The following OR5B2 variants were observed in gnomAD, a reference collection of about 807,000 sequenced individuals.
OR5B2 encodes olfactory receptor 5B2.
For synonymous variants in OR5B2, 163 were observed against 140.8 expected, an observed-to-expected ratio of 1.16 and a Z score of -1.11; for missense variants, 411 against 367.0, an observed-to-expected ratio of 1.12 and a Z score of -0.98.
At position 58,422,023 on chromosome 11, in the gene OR5B2, C is replaced by A; in HGVS notation, c.*309G>T. ...TGGGCTTGTTGGTGTCCCTGTTTAA[C>A]AAGTATGTTTGCACTGGAATGTGGT... On this transcript the variant is annotated 3_prime_UTR_variant, in exon 3 of 3. Transcript: ENST00000641342. 1 of 203,664 alleles carries A rather than the reference C, an allele frequency of 4.9e-6. No homozygotes were observed. Among genetic ancestry groups the A allele is most frequent in the Non-Finnish European group, 9.9e-6 (1 of 100,994 alleles). 12.6% of individuals were successfully genotyped at this position (203,664 alleles called of 1,614,324 possible). A position where few individuals can be genotyped will look rare whatever the true frequency, so the allele number is the denominator to read the frequency against.
Position 58,421,983 on chromosome 11 carries a change from A to ACATG in OR5B2, c.*345_*348dup, listed in dbSNP as rs1301183691. On this transcript the variant is annotated 3_prime_UTR_variant, in exon 3 of 3. Coordinates refer to ENST00000641342, the MANE Select transcript of OR5B2 (RefSeq NM_001005566.3). ...GCCTATGTGCCCACAAGAGGCATAAACATGTACTTTTTTGTGGGCTTGTTG... is the reference window on the plus strand; with the variant it reads ...GCCTATGTGCCCACAAGAGGCATAAACATGCATGTACTTTTTTGTGGGCTTGTTG... 5.6e-6 allele frequency: 1 copy of ACATG among 180,004 alleles called. No individual in the cohort carries two copies. The allele number at this position is 180,004 out of a possible 1,614,324, so 11.2% of individuals were successfully genotyped here. A position where few individuals can be genotyped will look rare whatever the true frequency, so the allele number is the denominator to read the frequency against.
At chr11:58,427,697 A>G (rs1040576752) in intron 1 of OR5B2, among the ~76,000 whole-genome samples, 2 of 152,160 alleles carry the variant, frequency 1.3e-5, no homozygotes, top group African/African-American at 4.8e-5. Flanking sequence ...CAGCAGCCCA[A>G]ATGGAAAACT....
chr11:58,424,831 G>A lies in OR5B2; in HGVS notation c.-28-1542C>T, dbSNP rs548194937. 2.0e-5 allele frequency among the ~76,000 whole-genome samples: 3 copies of A among 152,164 alleles called. No homozygotes were observed. In the East Asian group the frequency reaches 5.8e-4, roughly 29 times the overall value. On this transcript the variant is annotated intron_variant, in intron 2 of 2. Coordinates refer to ENST00000641342, the MANE Select transcript of OR5B2 (RefSeq NM_001005566.3). ...CATAATCACTTTTAGAATATACTAT[G>A]TTCTACAACAGATGTTAAGAACTTT...
In OR5B2 at chr11:58,422,414, A is replaced by C; in HGVS notation, c.848T>G (p.Leu283Arg). Reference protein sequence around the residue: ...SVFYAMIIPMLNPVVYSLRNR... With the variant: ...SVFYAMIIPMRNPVVYSLRNR... ...CCTCAGGCTGTAGACCACAGGGTTC[A>C]GCATGGGGATGATCATAGCATAGAA... The change falls in exon 3 of 3, where the codon CTG (leucine) becomes CGG (arginine). Residue 283 changes from leucine (L) to arginine (R), a missense_variant. By Grantham distance (102) the Leu-to-Arg change is moderately radical (BLOSUM62 -2). Coordinates refer to ENST00000641342, the MANE Select transcript of OR5B2 (RefSeq NM_001005566.3). 1 of 1,613,696 alleles carries C rather than the reference A, an allele frequency of 6.2e-7. No homozygotes were observed. The highest frequency in any genetic ancestry group is 8.5e-7 in the Non-Finnish European group (1 of 1,179,770).
Position 58,421,797 on chromosome 11 carries a change from A to G in OR5B2, c.*535T>C, listed in dbSNP as rs1213378377. Reference sequence around the variant, plus strand: ...TATGTGGGGGCAGAAGGTATATGGGAAATCTCTGTACTTACCTCTCCATTT... The same window carrying G: ...TATGTGGGGGCAGAAGGTATATGGGGAATCTCTGTACTTACCTCTCCATTT... On this transcript the variant is annotated 3_prime_UTR_variant, in exon 3 of 3. Transcript: ENST00000641342. The G allele has an allele frequency of 2.0e-5, 3 of 152,282 alleles. No homozygotes were observed. Among genetic ancestry groups the G allele is most frequent in the Non-Finnish European group, 4.4e-5 (3 of 68,148 alleles). 9.4% of individuals were successfully genotyped at this position (152,282 alleles called of 1,614,324 possible). A position where few individuals can be genotyped will look rare whatever the true frequency, so the allele number is the denominator to read the frequency against.
chr11:58,427,316 G>A (rs1855349703), intron 1 of OR5B2, among the ~76,000 whole-genome samples: 1 of 152,086 alleles, frequency 6.6e-6, no homozygotes, highest in South Asian at 2.1e-4. Context: ...TTGGTAATGT[G>A]AACATCTTCA....
In OR5B2 at chr11:58,422,214, A is replaced by G; in HGVS notation, c.*118T>C. 1.7e-6 allele frequency: 1 copy of G among 603,016 alleles called. No individual in the cohort carries two copies. Among genetic ancestry groups the G allele is most frequent in the Non-Finnish European group, 2.9e-6 (1 of 339,946 alleles). 37.4% of individuals were successfully genotyped at this position (603,016 alleles called of 1,614,324 possible). ...AAAATTGACTTCTAAAGAGGTAAGAATATCACCTCATGAACTTAAATGTAT... is the reference window on the plus strand; with the variant it reads ...AAAATTGACTTCTAAAGAGGTAAGAGTATCACCTCATGAACTTAAATGTAT... On this transcript the variant is annotated 3_prime_UTR_variant, in exon 3 of 3. Coordinates refer to ENST00000641342, the MANE Select transcript of OR5B2 (RefSeq NM_001005566.3).
intron 2 of OR5B2, among the ~76,000 whole-genome samples, chr11:58,426,374 A>G (rs1277494909): frequency 4.6e-5 from 7 of 152,036 alleles, no homozygotes; most frequent in Admixed American, 4.6e-4. Flanking sequence ...CCCTCTAAGC[A>G]TATGAATTTT....
chr11:58,422,607 TGA>T lies in OR5B2; in HGVS notation c.653_654del (p.Phe218TyrfsTer12). ...VLLVIFISYL[F>X]IFITILKMHS... ...TGCATCTTCAAGATGGTGATGAATATGAACAAGTAGGAGATAAAGATAACTAG... is the reference window on the plus strand; with the variant it reads ...TGCATCTTCAAGATGGTGATGAATATACAAGTAGGAGATAAAGATAACTAG... On this transcript the variant is annotated frameshift_variant, in exon 3 of 3. Coordinates refer to ENST00000641342, the MANE Select transcript of OR5B2 (RefSeq NM_001005566.3). LOFTEE classifies it low-confidence loss of function (END_TRUNC). The T allele has an allele frequency of 1.9e-6, 3 of 1,613,664 alleles. No individual in the cohort carries two copies. The highest frequency in any genetic ancestry group is 2.5e-6 in the Non-Finnish European group (3 of 1,179,796).
At chr11:58,423,651 C>T (rs1331791516) in intron 2 of OR5B2, among the ~76,000 whole-genome samples, 4 of 152,096 alleles carry the variant, frequency 2.6e-5, no homozygotes, top group African/African-American at 4.8e-5. Flanking sequence ...GGGAACCGCT[C>T]TAGGCAATTT....
At chr11:58,425,724 A>G (rs184447847) in intron 2 of OR5B2, among the ~76,000 whole-genome samples, 2 of 152,262 alleles carry the variant, frequency 1.3e-5, no homozygotes, top group East Asian at 3.9e-4. Context: ...ATCACTCACT[A>G]TGTGCAGATT....
chr11:58,422,309 A>G lies in OR5B2; in HGVS notation c.*23T>C, dbSNP rs1251447961. On this transcript the variant is annotated 3_prime_UTR_variant, in exon 3 of 3. Coordinates refer to ENST00000641342, the MANE Select transcript of OR5B2 (RefSeq NM_001005566.3). ...TGAGGGAAACAACATTTTTGTGTAT[A>G]CAACAATGTTAAAATTCCAAACTTA... The G allele has an allele frequency of 4.7e-6, 7 of 1,492,694 alleles. No homozygotes were observed. The highest frequency in any genetic ancestry group is 6.5e-6 in the Non-Finnish European group (7 of 1,075,918). The allele number at this position is 1,492,694 out of a possible 1,614,324, so 92.5% of individuals were successfully genotyped here. A position where few individuals can be genotyped will look rare whatever the true frequency, so the allele number is the denominator to read the frequency against.
Position 58,422,602 on chromosome 11 carries a change from G to A in OR5B2, c.660C>T (p.Phe220=), listed in dbSNP as rs943132397. 1.2e-6 allele frequency: 2 copies of A among 1,613,554 alleles called. No homozygotes were observed. Among genetic ancestry groups the A allele is most frequent in the Non-Finnish European group, 1.7e-6 (2 of 1,179,816 alleles). The change falls in exon 3 of 3, where the codon TTC becomes TTT. Residue 220 remains phenylalanine (F), a synonymous_variant. Transcript: ENST00000641342. ...LVIFISYLFI[F]ITILKMHSAK... ...CTGAATGCATCTTCAAGATGGTGAT[G>A]AATATGAACAAGTAGGAGATAAAGA...
At chr11:58,423,350 T>A in intron 2 of OR5B2, 61 bp from the exon 3 acceptor site, 1 of 732,248 alleles carries the variant, frequency 1.4e-6, no homozygotes, top group Non-Finnish European at 2.2e-6. Flanking sequence ...TAGAAATATA[T>A]AAATACTATA....
intron 2 of OR5B2, among the ~76,000 whole-genome samples, chr11:58,424,381 T>C (rs552651676): frequency 1.5e-4 from 23 of 152,166 alleles, no homozygotes; most frequent in Non-Finnish European, 2.6e-4. Context: ...ACTGAGATTT[T>C]CTGTGCCTCC....
Position 58,422,575 on chromosome 11 carries a change from A to G in OR5B2, c.687T>C (p.Ala229=). 3 of 1,613,742 alleles carry G rather than the reference A, an allele frequency of 1.9e-6. No homozygotes were observed. The highest frequency in any genetic ancestry group is 2.7e-5 in the African/African-American group (2 of 75,026). Residue 229 remains alanine (A), a synonymous_variant, in exon 3 of 3, where the codon GCT becomes GCC. Transcript: ENST00000641342. ...IFITILKMHS[A]KGHQKALSTC... is the part of the protein sequence containing the mutation. ...TGGACAATGCTTTTTGGTGTCCCTT[A>G]GCTGAATGCATCTTCAAGATGGTGA... is the stretch of plus-strand genomic sequence containing the variant.
Position 58,421,439 on chromosome 11 carries a change from C to T in OR5B2, c.*893G>A, listed in dbSNP as rs1265137648. The T allele has an allele frequency of 6.6e-6, 1 of 152,056 alleles. No homozygotes were observed. The highest frequency in any genetic ancestry group is 1.5e-5 in the Non-Finnish European group (1 of 67,982). 9.4% of individuals were successfully genotyped at this position (152,056 alleles called of 1,614,324 possible). ...GAAATAAGCCAATATGGAAAGGTTA[C>T]ATACCATATGATTTTAACTATATGA... is the stretch of plus-strand genomic sequence containing the variant. On this transcript the variant is annotated 3_prime_UTR_variant, in exon 3 of 3. Transcript: ENST00000641342.
rs549614509 is a variant in OR5B2 at position 58,423,326 on chromosome 11, C to A, written c.-28-37G>T. The A allele has an allele frequency of 1.3e-4, 127 of 972,366 alleles. No homozygotes were observed. The East Asian group carries it at 2.0e-3, about 15-fold the overall frequency. 60.2% of individuals were successfully genotyped at this position (972,366 alleles called of 1,614,324 possible). On this transcript the variant is annotated intron_variant, in intron 2 of 2. Transcript: ENST00000641342. ...AGAAATAAAGCAATAGAGTGATAAA[C>A]AAAAAAAGAGATTTAGAAATATATA... is the stretch of plus-strand genomic sequence containing the variant.
In OR5B2 at chr11:58,427,211, T is replaced by C. The variant is rs567104650; in HGVS notation, c.-83-535A>G. ...TAACCACAGTCTCTCACTCCAATCA[T>C]CTAGAGAAGCAATAATTAAACTGCA... On this transcript the variant is annotated intron_variant, in intron 1 of 2. Transcript: ENST00000641342. 2.6e-4 allele frequency among the ~76,000 whole-genome samples: 40 copies of C among 152,226 alleles called. No homozygotes were observed. In the South Asian group the frequency reaches 6.8e-3, roughly 26 times the overall value.
Sources: gnomAD v4.1 joint callset for allele counts (sites outside exome capture counted in the v4.1 genomes callset) on GRCh38, gnomAD v4.1.1 for gene constraint, MANE v1.5 for transcripts, NCBI Gene and HGNC (gene_info 2026-07-23, HGNC 2026-07-21) for gene names.